Variants in CD38 observed in about 807,000 individuals in gnomAD.
The protein encoded by CD38 is CD38 molecule.
CD38 carries 31 observed loss-of-function variants against 36.3 expected under a neutral mutation model. The observed-to-expected ratio is 0.85, with a 90% CI of 0.64 to 1.15. The LOEUF (loss-of-function observed/expected upper bound fraction) is 1.15. Among genes scored for constraint, CD38 ranks in the 50% most tolerant of loss-of-function variants. The pLI, the probability that CD38 is intolerant of heterozygous loss-of-function variation, is 0.00. For missense variants in CD38, 380 were observed against 371.9 expected, an observed-to-expected ratio of 1.02 and a Z score of -0.18; for synonymous variants, 131 against 135.2, an observed-to-expected ratio of 0.97 and a Z score of 0.22.
At chr4:15,790,374 T>C (rs1216730654) in intron 1 of CD38, among the ~76,000 whole-genome samples, 1 of 152,088 alleles carries the variant, frequency 6.6e-6, no homozygotes, top group South Asian at 2.1e-4. Context: ...GACGGGGTTT[T>C]GCTGTGTTGG....
intron 2 of CD38, among the ~76,000 whole-genome samples, chr4:15,820,033 C>A (rs1436820581): frequency 6.6e-6 from 1 of 152,154 alleles, no homozygotes; most frequent in African/African-American, 2.4e-5. Context: ...AGATTGGGGG[C>A]CAATATTCAA....
chr4:15,818,218 A>G (rs973397279), intron 2 of CD38, among the ~76,000 whole-genome samples: 3 of 152,094 alleles, frequency 2.0e-5, no homozygotes, highest in African/African-American at 7.2e-5. Context: ...TTCCCCTGAC[A>G]GTGCTAAGGG....
Position 15,852,829 on chromosome 4 carries a change from G to T in CD38, c.*4227G>T, listed in dbSNP as rs4607210. 0.99 allele frequency: 141,279 copies of T among 142,616 alleles called. 69,971 individuals carry two copies. Among genetic ancestry groups the T allele is most frequent in the Middle Eastern group, 1 (265 of 266 alleles). The allele number at this position is 142,616 out of a possible 1,614,324, so 8.8% of individuals were successfully genotyped here. A position where few individuals can be genotyped will look rare whatever the true frequency, so the allele number is the denominator to read the frequency against. On this transcript the variant is annotated 3_prime_UTR_variant, in exon 8 of 8. Transcript: ENST00000226279. ...TTATTCTTTTTTTTTTTTTTTTTTG[G>T]GAGACGGAGTCTCGCTGTCGCCCAG...
At chr4:15,789,379 C>A (rs764197365) in intron 1 of CD38, among the ~76,000 whole-genome samples, 1 of 152,110 alleles carries the variant, frequency 6.6e-6, no homozygotes, top group Non-Finnish European at 1.5e-5. Flanking sequence ...ACAACTTACT[C>A]ATTTATGAAG....
chr4:15,786,415 C>A (rs758063452), intron 1 of CD38, among the ~76,000 whole-genome samples: 16 of 152,132 alleles, frequency 1.1e-4, no homozygotes, highest in Admixed American at 8.5e-4. Flanking sequence ...AAACCTTGAG[C>A]TAGACATAGA....
chr4:15,815,169 G>A (rs549579951), intron 1 of CD38, among the ~76,000 whole-genome samples: 1 of 152,258 alleles, frequency 6.6e-6, no homozygotes, highest in African/African-American at 2.4e-5. Flanking sequence ...AGTTACTGTA[G>A]CCTTGTAGTA....
chr4:15,817,307 T>C (rs1723623192), intron 2 of CD38, among the ~76,000 whole-genome samples: 1 of 152,212 alleles, frequency 6.6e-6, no homozygotes, highest in Non-Finnish European at 1.5e-5. Flanking sequence ...GAGTGCACCT[T>C]TTCTATAGCC....
intron 1 of CD38, among the ~76,000 whole-genome samples, chr4:15,790,773 G>A (rs1485579919): frequency 2.0e-5 from 3 of 150,348 alleles, no homozygotes; most frequent in African/African-American, 7.4e-5. Flanking sequence ...GAAGTGAGGA[G>A]CGTCTCTGCC....
chr4:15,787,053 A>C (rs1364888153), intron 1 of CD38, among the ~76,000 whole-genome samples: 1 of 152,222 alleles, frequency 6.6e-6, no homozygotes, highest in Non-Finnish European at 1.5e-5. Flanking sequence ...GCCCACGCCC[A>C]CCTGGAACTC....
In CD38 at chr4:15,834,295, C is replaced by T. The variant is rs150171847; in HGVS notation, c.578C>T (p.Ser193Phe). The change falls in exon 4 of 8, where the codon TCC becomes TTC. Residue 193 changes from serine (S) to phenylalanine (F), a missense_variant. Transcript: ENST00000226279. The part of the protein sequence containing the change: ...NPVSVFWKTV[S>F]RRFAEAACDV... ...GTTTCAGTATTCTGGAAAACGGTTTCCCGCAGGGTAAGTACCAAGTAGTGA... is the reference window on the plus strand; with the variant it reads ...GTTTCAGTATTCTGGAAAACGGTTTTCCGCAGGGTAAGTACCAAGTAGTGA... 2 of 1,607,414 alleles carry T rather than the reference C, an allele frequency of 1.2e-6. No homozygotes were observed. The highest frequency in any genetic ancestry group is 1.7e-5 in the Admixed American group (1 of 60,020).
chr4:15,817,877 C>T (rs1723635277), intron 2 of CD38, among the ~76,000 whole-genome samples: 1 of 152,096 alleles, frequency 6.6e-6, no homozygotes, highest in Non-Finnish European at 1.5e-5. Context: ...CAGGTTTCCT[C>T]GTGTGTCTAC....
chr4:15,837,571 GA>G (rs1487317771), intron 4 of CD38, among the ~76,000 whole-genome samples: 3 of 152,146 alleles, frequency 2.0e-5, no homozygotes, highest in Non-Finnish European at 4.4e-5. Flanking sequence ...CTTGCATGGA[GA>G]AATAAGACCC....
intron 2 of CD38, among the ~76,000 whole-genome samples, chr4:15,817,520 C>A (rs934925252): frequency 6.6e-6 from 1 of 152,172 alleles, no homozygotes. Context: ...AGTGACTATG[C>A]GATGGATAGT....
At chr4:15,826,946 G>A (rs16892433) in intron 3 of CD38, among the ~76,000 whole-genome samples, 1 of 152,078 alleles carries the variant, frequency 6.6e-6, no homozygotes, top group African/African-American at 2.4e-5. Flanking sequence ...TAAGCTGGCA[G>A]TTCATATATT....
chr4:15,817,466 A>C (rs1723626058), intron 2 of CD38, among the ~76,000 whole-genome samples: 1 of 152,240 alleles, frequency 6.6e-6, no homozygotes, highest in Admixed American at 6.5e-5. Context: ...CTATGCAGAG[A>C]AGGTGTTTGG....
In CD38 at chr4:15,779,701, T is replaced by C. The variant is rs185613432; in HGVS notation, c.233+1054T>C. ...TATTTACACATAATTAGATACTTAATGGAGAGAGAAACTAGAAGTTGAGGC... is the reference window on the plus strand; with the variant it reads ...TATTTACACATAATTAGATACTTAACGGAGAGAGAAACTAGAAGTTGAGGC... On this transcript the variant is annotated intron_variant, in intron 1 of 7. Transcript: ENST00000226279. 3.6e-3 allele frequency among the ~76,000 whole-genome samples: 547 copies of C among 152,238 alleles called. 2 individuals carry two copies. Among genetic ancestry groups the C allele is most frequent in the African/African-American group, 0.013 (522 of 41,532 alleles).
chr4:15,826,551 A>G (rs1295548158), intron 3 of CD38, among the ~76,000 whole-genome samples: 3 of 152,074 alleles, frequency 2.0e-5, no homozygotes, highest in Non-Finnish European at 4.4e-5. Flanking sequence ...GTTAAAGGAT[A>G]AATTGTAATA....
chr4:15,804,455 G>A (rs1271067705), intron 1 of CD38, among the ~76,000 whole-genome samples: 3 of 152,078 alleles, frequency 2.0e-5, no homozygotes, highest in African/African-American at 7.2e-5. Flanking sequence ...ATCATATGTC[G>A]AAGAGATACC....
intron 3 of CD38, among the ~76,000 whole-genome samples, 192 bp from the exon 4 acceptor site, chr4:15,834,025 A>G (rs969437884): frequency 6.6e-6 from 1 of 152,232 alleles, no homozygotes; most frequent in African/African-American, 2.4e-5. Flanking sequence ...GATTTGGAAG[A>G]TAAGGTAAGA....
Sources: gnomAD v4.1 joint callset for allele counts (sites outside exome capture counted in the v4.1 genomes callset) on GRCh38, gnomAD v4.1.1 for gene constraint, MANE v1.5 for transcripts, NCBI Gene and HGNC (gene_info 2026-07-23, HGNC 2026-07-21) for gene names.